Variants in E2F8 observed in about 807,000 individuals in gnomAD.
The protein encoded by E2F8 is E2F transcription factor 8, also known as transcription factor E2F8.
A neutral mutation model predicts 80.8 loss-of-function variants in E2F8; 35 were observed. That is an observed-to-expected ratio of 0.43 (90% CI 0.33 to 0.57). The LOEUF (loss-of-function observed/expected upper bound fraction) is 0.57. E2F8 is among the 20% of genes least tolerant of loss of function. The probability of loss-of-function intolerance (pLI) is 0.04; values close to 1 mark genes in which losing one functional copy is unlikely to be tolerated. For missense variants in E2F8, 975 were observed against 1,056.2 expected, an observed-to-expected ratio of 0.92 and a Z score of 1.07; for synonymous variants, 386 against 395.0, an observed-to-expected ratio of 0.98 and a Z score of 0.27.
chr11:19,232,385 T>G lies in E2F8; in HGVS notation c.929-14A>C. ...TCCTAATTTTTGCTGGGAAAAAAAG[T>G]ATATATACCACTTAATGGAATAATG... On this transcript the variant is annotated splice_polypyrimidine_tract_variant and intron_variant, in intron 6 of 12. Transcript: ENST00000250024. 1.9e-6 allele frequency: 3 copies of G among 1,602,570 alleles called. No individual in the cohort carries two copies. The South Asian group carries it at 3.3e-5, about 18-fold the overall frequency.
rs375107178 is a variant in E2F8, at chr11:19,233,739, C to G, written c.928+621G>C. Among the ~76,000 whole-genome samples the G allele has an allele frequency of 5.3e-4, 80 of 152,152 alleles. 1 individual carries two copies. In the East Asian group the frequency reaches 0.012, roughly 23 times the overall value. On this transcript the variant is annotated intron_variant, in intron 6 of 12. Transcript: ENST00000250024. ...TCCTGACCTCATGATCCGCCCTCCT[C>G]GGCCTCCCAAAGTGCTGAGATTACA...
At chr11:19,230,551 T>A in intron 8 of E2F8, 80 bp downstream of exon 8, 1 of 1,474,424 alleles carries the variant, frequency 6.8e-7, no homozygotes, top group Non-Finnish European at 9.4e-7. Context: ...CTGACAACTA[T>A]TGCAAGGATC....
rs568567804 is a variant in E2F8, at chr11:19,224,131, T to C, written c.*527A>G. On this transcript the variant is annotated 3_prime_UTR_variant, in exon 13 of 13. Coordinates refer to ENST00000250024, the MANE Select transcript of E2F8 (RefSeq NM_024680.4). ...ATACATTTTATAAATAATTTTTCCA[T>C]AGACTTGATTGAGGATTGTTGCAAA... 6.5e-6 allele frequency: 1 copy of C among 152,770 alleles called. No individual in the cohort carries two copies. The highest frequency in any genetic ancestry group is 2.4e-5 in the African/African-American group (1 of 41,588). The allele number at this position is 152,770 out of a possible 1,614,324, so 9.5% of individuals were successfully genotyped here.
intron 8 of E2F8, 93 bp from the exon 9 acceptor site, chr11:19,230,421 T>C (rs1863382): frequency 0.097 from 129,040 of 1,332,144 alleles, 6,562 homozygotes; most frequent in East Asian, 0.14. Flanking sequence ...GAACAGAAAG[T>C]GTGCACCTCC....
intron 6 of E2F8, among the ~76,000 whole-genome samples, chr11:19,232,957 T>C (rs1052287426): frequency 6.6e-6 from 1 of 152,216 alleles, no homozygotes; most frequent in Non-Finnish European, 1.5e-5. Flanking sequence ...GCCATCTTGA[T>C]AGTACAAATT....
chr11:19,236,322 T>C (rs1851515801), intron 4 of E2F8, among the ~76,000 whole-genome samples: 1 of 152,226 alleles, frequency 6.6e-6, no homozygotes, highest in Admixed American at 6.5e-5. Flanking sequence ...GCACTCCTGA[T>C]CCCTTGATCC....
chr11:19,225,601 T>A lies in E2F8; in HGVS notation c.2041A>T (p.Thr681Ser). 6.2e-7 allele frequency: 1 copy of A among 1,613,578 alleles called. No individual in the cohort carries two copies. The highest frequency in any genetic ancestry group is 1.1e-5 in the South Asian group (1 of 91,068). Residue 681 changes from threonine to serine, a missense_variant, in exon 12 of 13, where the codon ACA (threonine) becomes TCA (serine). Thr to Ser is a moderately conservative substitution (Grantham distance 58, BLOSUM62 1). Coordinates refer to ENST00000250024, the MANE Select transcript of E2F8 (RefSeq NM_024680.4). ...SSPIAGVIPVTSSELTAVNFP... is the reference protein window; with the variant it reads ...SSPIAGVIPVSSSELTAVNFP... ...TTAACAGCAGTGAGTTCAGATGATG[T>A]CACTGGAATAACACCTGGAAGGAAA...
rs1287129363 is a variant in E2F8, at chr11:19,229,704, T to C, written c.1643A>G (p.His548Arg). 1 of 1,613,858 alleles carries C rather than the reference T, an allele frequency of 6.2e-7. No homozygotes were observed. Among genetic ancestry groups the C allele is most frequent in the Non-Finnish European group, 8.5e-7 (1 of 1,180,022 alleles). The change falls in exon 10 of 13, where the codon CAC (histidine) becomes CGC (arginine). Residue 548 changes from histidine (H) to arginine (R), a missense_variant. Coordinates refer to ENST00000250024, the MANE Select transcript of E2F8 (RefSeq NM_024680.4). The surrounding 1 kb of genome is among the most constrained non-coding windows in gnomAD (Gnocchi z 4.3). Reference protein sequence around the residue: ...QGLSPTVCTTHSSKATGSKDS... With the variant: ...QGLSPTVCTTRSSKATGSKDS... ...TTTTGAGCCAGTAGCTTTAGAAGAG[T>C]GGGTGGTGCACACCGTTGGGCTCAG...
chr11:19,235,622 C>CT (rs1808293758), intron 4 of E2F8, among the ~76,000 whole-genome samples: 1 of 151,756 alleles, frequency 6.6e-6, no homozygotes, highest in South Asian at 2.1e-4. Context: ...GCACTCCAGC[C>CT]TGGGCGAAAG....
chr11:19,225,063 C>T (rs1425158149), intron 12 of E2F8, 158 bp downstream of exon 12: 1 of 1,203,928 alleles, frequency 8.3e-7, no homozygotes, highest in Non-Finnish European at 1.2e-6. Flanking sequence ...GCCTTGGACA[C>T]TCTTCCTGGG....
At position 19,232,276 on chromosome 11, in the gene E2F8, C is replaced by A. The variant is rs1851402483; in HGVS notation, c.1024G>T (p.Ala342Ser). 3 of 1,614,188 alleles carry A rather than the reference C, an allele frequency of 1.9e-6. No individual in the cohort carries two copies. Among genetic ancestry groups the A allele is most frequent in the Non-Finnish European group, 2.5e-6 (3 of 1,180,024 alleles). The part of the protein sequence containing the change: ...HVTEERGRKP[A>S]FKWTGPEISP... The stretch of plus-strand genomic sequence containing the variant: ...ATTTCTGGGCCGGTCCATTTGAAAG[C>A]TGGTTTTCGGCCTCTTTCCTCTGTA... The change falls in exon 7 of 13, where the codon GCT becomes TCT. Residue 342 changes from alanine (A) to serine (S), a missense_variant. By Grantham distance (99) the Ala-to-Ser change is moderately conservative (BLOSUM62 1). Transcript: ENST00000250024.
chr11:19,238,146 T>G lies in E2F8; in HGVS notation c.16-14A>C, dbSNP rs547254125. ...AAAGAGATTTTCCTGGTTTAAAAAA[T>G]GTAAATAATTAAATCCATGGTAAAA... On this transcript the variant is annotated splice_polypyrimidine_tract_variant and intron_variant, in intron 2 of 12. Transcript: ENST00000250024. 4 of 1,593,164 alleles carry G rather than the reference T, an allele frequency of 2.5e-6. No individual in the cohort carries two copies. The South Asian group carries it at 3.4e-5, about 14-fold the overall frequency.
At chr11:19,241,471 C>T (rs1433265135), upstream of E2F8, 1 of 152,760 alleles carries the variant, frequency 6.5e-6, no homozygotes, top group Non-Finnish European at 1.5e-5. The surrounding 1 kb of genome is among the most constrained non-coding windows in gnomAD (Gnocchi z 4.5). Context: ...CACCGCTGCC[C>T]CTCTCAGGCC....
At position 19,240,245 on chromosome 11, in the gene E2F8, GA is replaced by G. The variant is rs1851624003; in HGVS notation, c.-109-16del. ...GTTTTAATATCCTTAAAGAAAAAAG[GA>G]AATAGAAAAAGTTAGAGAAAAACAA... On this transcript the variant is annotated splice_polypyrimidine_tract_variant and intron_variant, in intron 1 of 12. Coordinates refer to ENST00000250024, the MANE Select transcript of E2F8 (RefSeq NM_024680.4). The G allele has an allele frequency of 1.8e-6, 1 of 547,380 alleles. No individual in the cohort carries two copies. The highest frequency in any genetic ancestry group is 3.0e-6 in the Non-Finnish European group (1 of 334,220). 33.9% of individuals were successfully genotyped at this position (547,380 alleles called of 1,614,324 possible).
In E2F8 at chr11:19,225,256, T is replaced by G. The variant is rs768099521; in HGVS notation, c.2386A>C (p.Asn796His). The G allele has an allele frequency of 6.2e-7, 1 of 1,613,828 alleles. No homozygotes were observed. The highest frequency in any genetic ancestry group is 8.5e-7 in the Non-Finnish European group (1 of 1,180,050). Residue 796 changes from asparagine (N) to histidine (H), a missense_variant, in exon 12 of 13, where the codon AAT becomes CAT. Transcript: ENST00000250024. ...CCTGTCACAGCAACTGATTGTCCAT[T>G]TGGCTGGCTCTGGCCTGGGACTGGT... ...DSPVPGQSQP[N>H]GQSVAVTGAQ... is the part of the protein sequence containing the mutation.
rs1190282345 is a variant in E2F8 at position 19,229,415 on chromosome 11, G to T, written c.1893+39C>A. On this transcript the variant is annotated intron_variant, in intron 10 of 12. Transcript: ENST00000250024. The surrounding 1 kb of genome is among the most constrained non-coding windows in gnomAD (Gnocchi z 4.3). Reference sequence around the variant, plus strand: ...ACCAATCTTCCTGTAATAGACTAGGGAATTCCTAAAGCTTTGTGCAGTTCA... The same window carrying T: ...ACCAATCTTCCTGTAATAGACTAGGTAATTCCTAAAGCTTTGTGCAGTTCA... 1 of 1,559,146 alleles carries T rather than the reference G, an allele frequency of 6.4e-7. No individual in the cohort carries two copies. The highest frequency in any genetic ancestry group is 8.7e-7 in the Non-Finnish European group (1 of 1,155,924).
intron 10 of E2F8, 189 bp from the exon 11 acceptor site, chr11:19,226,053 G>A: frequency 1.6e-6 from 1 of 618,010 alleles, no homozygotes; most frequent in Non-Finnish European, 2.8e-6. Context: ...CCCAATGCTT[G>A]CCCCGAATAA....
chr11:19,232,093 T>C (rs1851397733), intron 7 of E2F8, 141 bp downstream of exon 7: 1 of 1,219,076 alleles, frequency 8.2e-7, no homozygotes, highest in African/African-American at 1.5e-5. Context: ...AATCAAACAC[T>C]GCATGTTCTC....
intron 4 of E2F8, among the ~76,000 whole-genome samples, chr11:19,236,396 T>A (rs1353752638): frequency 6.6e-6 from 1 of 152,244 alleles, no homozygotes; most frequent in Non-Finnish European, 1.5e-5. Flanking sequence ...CCTTACTTAC[T>A]TCCTATATCC....
Sources: allele counts gnomAD v4.1 joint callset (sites outside exome capture counted in the v4.1 genomes callset), GRCh38; gene constraint gnomAD v4.1.1; non-coding constraint Gnocchi (gnomAD v3.1); transcripts MANE v1.5; gene names NCBI Gene and HGNC (gene_info 2026-07-23, HGNC 2026-07-21).